The following ACACB variants were observed in gnomAD, a reference collection of about 807,000 sequenced individuals.
ACACB encodes acetyl-CoA carboxylase 2.
A neutral mutation model predicts 278.8 loss-of-function variants in ACACB; 209 were observed. The ratio of observed to expected loss-of-function variants is 0.75; its 90% CI spans 0.67 to 0.84. ACACB has a LOEUF of 0.84. Among genes scored for constraint, ACACB ranks in the 40% least tolerant of loss-of-function variants. The pLI is 0.00. For missense variants in ACACB, 2,850 were observed against 3,269.0 expected, an observed-to-expected ratio of 0.87 and a Z score of 3.13; for synonymous variants, 1,174 against 1,285.6, an observed-to-expected ratio of 0.91 and a Z score of 1.86.
At chr12:109,206,229 A>G (rs553909311) in intron 19 of ACACB, among the ~76,000 whole-genome samples, 22 of 152,108 alleles carry the variant, frequency 1.4e-4, no homozygotes, top group Admixed American at 5.9e-4. Context: ...AGGTCAAGAG[A>G]TCAAGACCAT....
chr12:109,234,054 G>A lies in ACACB; in HGVS notation c.4347+9G>A. 1 of 1,595,114 alleles carries A rather than the reference G, an allele frequency of 6.3e-7. No individual in the cohort carries two copies. Among genetic ancestry groups the A allele is most frequent in the Non-Finnish European group, 8.6e-7 (1 of 1,167,636 alleles). On this transcript the variant is annotated intron_variant, in intron 31 of 52. Coordinates refer to ENST00000338432, the MANE Select transcript of ACACB (RefSeq NM_001093.4). ...CATTCGTACAGTCCAAGGTACTCTG[G>A]GCGTGCCTCTGGTTTTGGTGGGGGT... is the stretch of plus-strand genomic sequence containing the variant.
chr12:109,194,359 C>T (rs1188447441), intron 16 of ACACB, among the ~76,000 whole-genome samples: 1 of 152,122 alleles, frequency 6.6e-6, no homozygotes, highest in African/African-American at 2.4e-5. Context: ...CCATGCCTGG[C>T]TAATTTTTGT....
intron 28 of ACACB, among the ~76,000 whole-genome samples, chr12:109,228,232 G>A (rs558278153): frequency 1.3e-5 from 2 of 151,598 alleles, no homozygotes; most frequent in South Asian, 4.2e-4. Context: ...CCAGGTACCC[G>A]GGAGGCTGAG....
Position 109,209,243 on chromosome 12 carries a change from A to AT in ACACB, c.3139_3140insT (p.Thr1047IlefsTer54). The stretch of plus-strand genomic sequence containing the variant: ...GCTGCTGGAGCTGCAGGAGATCATG[A>AT]CCAGCGTGGCAGGCCGCATCCCCGC... On this transcript the variant is annotated frameshift_variant, in exon 21 of 53. Coordinates refer to ENST00000338432, the MANE Select transcript of ACACB (RefSeq NM_001093.4). LOFTEE classifies it high-confidence loss of function. 1.9e-6 allele frequency: 3 copies of AT among 1,611,346 alleles called. No individual in the cohort carries two copies. Among genetic ancestry groups the AT allele is most frequent in the Non-Finnish European group, 2.5e-6 (3 of 1,179,556 alleles).
chr12:109,152,739 G>A (rs1420045141), intron 2 of ACACB, among the ~76,000 whole-genome samples: 1 of 147,524 alleles, frequency 6.8e-6, no homozygotes, highest in Non-Finnish European at 1.5e-5. Context: ...CAGCTACCTG[G>A]GCTCAGGTAA....
intron 47 of ACACB, 102 bp from the exon 48 acceptor site, chr12:109,260,378 C>G (rs918958988): frequency 4.2e-6 from 6 of 1,436,588 alleles, no homozygotes; most frequent in Admixed American, 1.8e-5. Context: ...CCAAGCCTCT[C>G]AGCTGGGCTC....
Position 109,139,715 on chromosome 12 carries a change from C to T in ACACB, c.310C>T (p.Leu104Phe). 1 of 1,614,122 alleles carries T rather than the reference C, an allele frequency of 6.2e-7. No homozygotes were observed. Among genetic ancestry groups the T allele is most frequent in the Non-Finnish European group, 8.5e-7 (1 of 1,180,020 alleles). Residue 104 changes from leucine to phenylalanine, a missense_variant, in exon 2 of 53, where the codon CTT (leucine) becomes TTT (phenylalanine). This residue lies in a region of ACACB where 2,265 missense variants were observed against 2,561.3 expected (regional missense o/e 0.88). Transcript: ENST00000338432. ...CCACCAGAAGCCCCCAAGAAACCCCCTTTCTTCCAGTGACGCAGCACCCTC... is the reference window on the plus strand; with the variant it reads ...CCACCAGAAGCCCCCAAGAAACCCCTTTTCTTCCAGTGACGCAGCACCCTC... ...PSHQKPPRNP[L>F]SSSDAAPSPE...
intron 34 of ACACB, among the ~76,000 whole-genome samples, chr12:109,238,653 AC>A (rs1235297291): frequency 1.4e-5 from 2 of 147,856 alleles, no homozygotes; most frequent in African/African-American, 2.5e-5. Context: ...CAACCTCCGC[AC>A]CCCCGGGTTC....
Position 109,188,011 on chromosome 12 carries a change from A to T in ACACB, c.1993A>T (p.Ser665Cys). Residue 665 changes from serine (S) to cysteine (C), a missense_variant, in exon 13 of 53, where the codon AGC becomes TGC. Physicochemically the swap from Ser to Cys is moderately radical, Grantham distance 112. Around this residue, in one of 3 missense-constraint regions of ACACB, gnomAD observed 2,265 missense variants for 2,561.3 expected, o/e 0.88. Transcript: ENST00000338432. ...SENPDEGFKP[S>C]SGTVQELNFR... ...GTCCGGACTCCAGGGTTTTAAGCCG[A>T]GCTCCGGGACTGTCCAGGAACTGAA... 6.3e-7 allele frequency: 1 copy of T among 1,596,782 alleles called. No individual in the cohort carries two copies. Among genetic ancestry groups the T allele is most frequent in the African/African-American group, 1.3e-5 (1 of 74,750 alleles).
intron 1 of ACACB, among the ~76,000 whole-genome samples, chr12:109,132,296 C>T (rs935727403): frequency 2.0e-5 from 3 of 152,104 alleles, no homozygotes; most frequent in African/African-American, 7.2e-5. Flanking sequence ...TCCCAAGTAG[C>T]TGGGATTACA....
chr12:109,176,391 T>C (rs1280296241), intron 9 of ACACB, 128 bp downstream of exon 9: 1 of 853,602 alleles, frequency 1.2e-6, no homozygotes, highest in African/African-American at 1.7e-5. Flanking sequence ...TGTATCGTTG[T>C]ATCGTATTTT....
At chr12:109,179,067 C>T (rs371766157) in intron 9 of ACACB, 21 bp from the exon 10 acceptor site, 51 of 1,605,908 alleles carry the variant, frequency 3.2e-5, no homozygotes, top group Non-Finnish European at 4.1e-5. Context: ...GAAGATCAGG[C>T]TGCTCTGCTT....
At position 109,223,900 on chromosome 12, in the gene ACACB, T is replaced by C. The variant is rs2046246814; in HGVS notation, c.3878T>C (p.Leu1293Ser). ...AACAAAGTCGTGTGCATGGCGTCCT[T>C]GGAGGTAAGCAGGAGAGGCCCAGAG... ...HANKVVCMASLEVYVRRGYIA... is the reference protein window; with the variant it reads ...HANKVVCMASSEVYVRRGYIA... The change falls in exon 27 of 53, where the codon TTG (leucine) becomes TCG (serine). Residue 1293 changes from leucine to serine, a missense_variant. Around this residue, in one of 3 missense-constraint regions of ACACB, gnomAD observed 2,265 missense variants for 2,561.3 expected, o/e 0.88. Transcript: ENST00000338432. The C allele has an allele frequency of 6.2e-7, 1 of 1,613,896 alleles. No individual in the cohort carries two copies. The highest frequency in any genetic ancestry group is 1.7e-5 in the Admixed American group (1 of 60,026).
intron 2 of ACACB, among the ~76,000 whole-genome samples, chr12:109,163,971 C>T (rs1176000907): frequency 6.6e-6 from 1 of 152,172 alleles, no homozygotes; most frequent in Non-Finnish European, 1.5e-5. Context: ...TATTTGAAGA[C>T]AAATTCCCAG....
intron 19 of ACACB, among the ~76,000 whole-genome samples, chr12:109,203,860 T>G (rs965368192): frequency 6.6e-6 from 1 of 152,158 alleles, no homozygotes; most frequent in Non-Finnish European, 1.5e-5. Context: ...GCTCGGAGCA[T>G]AGTGGGTGCT....
intron 47 of ACACB, among the ~76,000 whole-genome samples, 175 bp downstream of exon 47, chr12:109,259,283 T>C (rs892670304): frequency 1.3e-5 from 2 of 151,848 alleles, no homozygotes; most frequent in African/African-American, 4.8e-5. Flanking sequence ...GTTTTAAAGA[T>C]GAGGAACTGC....
chr12:109,160,590 C>T (rs1180126782), intron 2 of ACACB, among the ~76,000 whole-genome samples: 1 of 152,242 alleles, frequency 6.6e-6, no homozygotes, highest in Non-Finnish European at 1.5e-5. Context: ...TTTCAGCTCT[C>T]ACCCTTGCCG....
intron 21 of ACACB, among the ~76,000 whole-genome samples, chr12:109,211,020 CGTT>C (rs150083430): frequency 0.018 from 2,700 of 151,470 alleles, 94 homozygotes; most frequent in African/African-American, 0.063. Flanking sequence ...ATCGGCCTCG[CGTT>C]GTTCATTTTG....
intron 41 of ACACB, among the ~76,000 whole-genome samples, chr12:109,250,665 T>C (rs1282899004): frequency 1.3e-5 from 2 of 152,120 alleles, no homozygotes; most frequent in Non-Finnish European, 2.9e-5. Context: ...GTAGTACTAG[T>C]AGTAATTCTA....
Sources: allele counts gnomAD v4.1 joint callset (sites outside exome capture counted in the v4.1 genomes callset), GRCh38; gene constraint gnomAD v4.1.1; regional missense constraint gnomAD v4.1.1; transcripts MANE v1.5; gene names NCBI Gene and HGNC (gene_info 2026-07-23, HGNC 2026-07-21).